Variants in RYR2 observed in about 807,000 individuals in gnomAD.
RYR2 encodes the protein cardiac muscle ryanodine receptor-calcium release channel.
In RYR2, 227 loss-of-function variants were observed where a neutral mutation model predicts 601.1. The observed-to-expected ratio is 0.38, with a 90% confidence interval of 0.34 to 0.42. The LOEUF is 0.42. Among genes scored for constraint, RYR2 ranks in the 10% least tolerant of loss-of-function variants. The pLI, the probability that RYR2 is intolerant of heterozygous loss-of-function variation, is 1.00. For missense variants in RYR2, 4,646 were observed against 6,156.5 expected, an observed-to-expected ratio of 0.75 and a Z score of 8.21; for synonymous variants, 2,223 against 2,175.1, an observed-to-expected ratio of 1.02 and a Z score of -0.61.
intron 2 of RYR2, among the ~76,000 whole-genome samples, chr1:237,275,116 A>C (rs1024927691): frequency 5.3e-5 from 8 of 151,982 alleles, no homozygotes; most frequent in Non-Finnish European, 1.0e-4. Flanking sequence ...ACACACATAC[A>C]CACCGCACAC....
intron 16 of RYR2, among the ~76,000 whole-genome samples, chr1:237,463,877 C>T (rs531743935): frequency 2.7e-4 from 41 of 152,022 alleles, no homozygotes; most frequent in African/African-American, 8.2e-4. Flanking sequence ...CATGGTTTTC[C>T]GTTTTATTTT....
At chr1:237,371,816 A>G (rs1700665056) in intron 6 of RYR2, among the ~76,000 whole-genome samples, 1 of 152,182 alleles carries the variant, frequency 6.6e-6, no homozygotes, top group African/African-American at 2.4e-5. Context: ...CAAACACTGC[A>G]TGTTCTCACT....
chr1:237,779,809 CTGATT>C (rs1221521636), intron 88 of RYR2, among the ~76,000 whole-genome samples: 4 of 152,192 alleles, frequency 2.6e-5, no homozygotes, highest in Admixed American at 2.0e-4. Flanking sequence ...TGAACTGAAC[CTGATT>C]TGATTTGTAC....
rs562508424 is a variant in RYR2 at position 237,292,487 on chromosome 1, C to T, written c.168+21871C>T. 2.0e-5 allele frequency among the ~76,000 whole-genome samples: 3 copies of T among 152,250 alleles called. No homozygotes were observed. In the East Asian group the frequency reaches 5.8e-4, roughly 29 times the overall value. ...AAATCAGGCCTGGGTACCTACTTAG[C>T]TTTGACTGTGTGTGTGTTAGAATAT... On this transcript the variant is annotated intron_variant, in intron 2 of 104. Coordinates refer to ENST00000366574, the MANE Select transcript of RYR2 (RefSeq NM_001035.3).
intron 36 of RYR2, 112 bp downstream of exon 36, chr1:237,611,100 A>C (rs1677816686): frequency 3.7e-6 from 3 of 815,556 alleles, no homozygotes; most frequent in Non-Finnish European, 5.7e-6. Flanking sequence ...AACAAGATGA[A>C]ATTTACAAAG....
chr1:237,517,575 G>T (rs568371101), intron 24 of RYR2, among the ~76,000 whole-genome samples: 1 of 152,138 alleles, frequency 6.6e-6, no homozygotes, highest in African/African-American at 2.4e-5. Context: ...AGCCATCCTG[G>T]GCTGTGGGCT....
At position 237,695,648 on chromosome 1, in the gene RYR2, A is replaced by G. The variant is rs138218198; in HGVS notation, c.9068-3317A>G. Among the ~76,000 whole-genome samples, 201 of 152,306 alleles carry G rather than the reference A, an allele frequency of 1.3e-3. 1 individual carries two copies. The South Asian group carries it at 0.019, about 15-fold the overall frequency. ...TTATGGTAATCTGGATAGCTTTAAG[A>G]AGGACAATATTTAAGTCATTATTTT... is the stretch of plus-strand genomic sequence containing the variant. On this transcript the variant is annotated intron_variant, in intron 63 of 104. Transcript: ENST00000366574.
At chr1:237,799,857 G>GTC (rs1659741130) in intron 97 of RYR2, among the ~76,000 whole-genome samples, 1 of 152,182 alleles carries the variant, frequency 6.6e-6, no homozygotes, top group Non-Finnish European at 1.5e-5. Context: ...GGCTGCAGGT[G>GTC]TCTTCATTTG....
At chr1:237,599,684 A>T (rs957099000) in intron 34 of RYR2, among the ~76,000 whole-genome samples, 1 of 151,796 alleles carries the variant, frequency 6.6e-6, no homozygotes, top group East Asian at 1.9e-4. Context: ...TTAGCCGGGC[A>T]TGGTGGCAGG....
At chr1:237,735,110 G>A (rs529863421) in intron 79 of RYR2, among the ~76,000 whole-genome samples, 1 of 152,296 alleles carries the variant, frequency 6.6e-6, no homozygotes, top group Admixed American at 6.5e-5. Flanking sequence ...CCAAAATCAT[G>A]TTCTGCTGTG....
chr1:237,269,033 T>A, intron 1 of RYR2, among the ~76,000 whole-genome samples: 1 of 124,976 alleles, frequency 8.0e-6, no homozygotes, highest in African/African-American at 3.0e-5. Flanking sequence ...CCAATTTATA[T>A]AGCATATTCT....
In RYR2 at chr1:237,204,888, A is replaced by G. The variant is rs531754758; in HGVS notation, c.49-65609A>G. On this transcript the variant is annotated intron_variant, in intron 1 of 104. Coordinates refer to ENST00000366574, the MANE Select transcript of RYR2 (RefSeq NM_001035.3). ...CAGAGTCCCTTCTTCAAGGAGCTCA[A>G]TCCAGCAAGGGAGGCAGATTCTTTG... Among the ~76,000 whole-genome samples, 106 of 152,340 alleles carry G rather than the reference A, an allele frequency of 7.0e-4. 1 individual carries two copies. The highest frequency in any genetic ancestry group is 2.5e-3 in the African/African-American group (104 of 41,580).
In RYR2 at chr1:237,627,891, T is replaced by C; in HGVS notation, c.6251T>C (p.Met2084Thr). The change falls in exon 41 of 105, where the codon ATG (methionine) becomes ACG (threonine). Residue 2084 changes from methionine to threonine, a missense_variant. By Grantham distance (81) the Met-to-Thr change is moderately conservative. This residue lies in a region of RYR2 where 170 missense variants were observed against 184.5 expected (regional missense o/e 0.92). Coordinates refer to ENST00000366574, the MANE Select transcript of RYR2 (RefSeq NM_001035.3). ...VIEDPELVRA[M>T]FVLLHRQYDG... ...GAAGACCCCGAGCTGGTGAGGGCCA[T>C]GTTTGTGTTGCTCCATCGGCAGTAT... 6.2e-7 allele frequency: 1 copy of C among 1,613,910 alleles called. No homozygotes were observed. The highest frequency in any genetic ancestry group is 1.1e-5 in the South Asian group (1 of 91,076).
In RYR2 at chr1:237,669,131, G is replaced by A. The variant is rs553191929; in HGVS notation, c.8590+1173G>A. ...TGTTTAACAAAGCACATCTTGCACC[G>A]TCCTTAATCCATTTAACCCTGAGTG... On this transcript the variant is annotated intron_variant, in intron 58 of 104. Transcript: ENST00000366574. 7.7e-3 allele frequency among the ~76,000 whole-genome samples: 1,075 copies of A among 139,670 alleles called. 44 individuals are homozygous for A. The highest frequency in any genetic ancestry group is 0.024 in the African/African-American group (979 of 40,536). The allele number at this position is 139,670 out of a possible 152,430, so 91.6% of individuals were successfully genotyped here.
At chr1:237,510,043 G>A (rs566576711) in intron 23 of RYR2, among the ~76,000 whole-genome samples, 1 of 152,294 alleles carries the variant, frequency 6.6e-6, no homozygotes, top group South Asian at 2.1e-4. Context: ...TTATTCTGTA[G>A]GGGGCTAAAG....
intron 100 of RYR2, among the ~76,000 whole-genome samples, chr1:237,813,876 T>C (rs1661508218): frequency 6.6e-6 from 1 of 152,190 alleles, no homozygotes; most frequent in Non-Finnish European, 1.5e-5. Context: ...CTGGGTTGAG[T>C]ATATGTCTTA....
intron 27 of RYR2, among the ~76,000 whole-genome samples, chr1:237,565,215 CTTTCTTTCTTT>C (rs1671930977): frequency 9.8e-6 from 1 of 101,654 alleles, no homozygotes; most frequent in Non-Finnish European, 2.0e-5. Flanking sequence ...TTCTTTCTTT[CTTTCTTTCTTT>C]TGTCTTTCTT....
intron 12 of RYR2, among the ~76,000 whole-genome samples, chr1:237,439,167 A>G (rs987967280): frequency 2.0e-5 from 3 of 152,184 alleles, no homozygotes; most frequent in Non-Finnish European, 4.4e-5. Flanking sequence ...GCTTACGGTC[A>G]TTCAAAGGAT....
chr1:237,462,821 GTT>G (rs1659632359), intron 16 of RYR2, among the ~76,000 whole-genome samples: 1 of 152,132 alleles, frequency 6.6e-6, no homozygotes, highest in African/African-American at 2.4e-5. Flanking sequence ...TTATTCTAGT[GTT>G]TGTGCATCTA....
Sources: allele counts gnomAD v4.1 joint callset (sites outside exome capture counted in the v4.1 genomes callset), GRCh38; gene constraint gnomAD v4.1.1; regional missense constraint gnomAD v4.1.1; transcripts MANE v1.5; gene names NCBI Gene and HGNC (gene_info 2026-07-23, HGNC 2026-07-21).